The following ZFHX3 variants were observed in gnomAD, a reference collection of about 807,000 sequenced individuals.
The protein encoded by ZFHX3 is zinc finger homeobox protein 3.
In ZFHX3, 42 loss-of-function variants were observed where a neutral mutation model predicts 279.1. The observed-to-expected ratio is 0.15, with a 90% CI of 0.12 to 0.19. The LOEUF is 0.19. Ranked by LOEUF, ZFHX3 falls within the 10% of genes least tolerant of loss-of-function variation. The pLI, the probability that ZFHX3 is intolerant of heterozygous loss-of-function variation, is 1.00. For missense variants in ZFHX3, 4,981 were observed against 4,754.0 expected, an observed-to-expected ratio of 1.05 and a Z score of -1.40; for synonymous variants, 2,293 against 1,957.8, an observed-to-expected ratio of 1.17 and a Z score of -4.52.
intron 2 of ZFHX3, among the ~76,000 whole-genome samples, chr16:72,953,253 T>G (rs1382998112): frequency 1.3e-5 from 2 of 149,822 alleles, no homozygotes; most frequent in Non-Finnish European, 3.0e-5. Flanking sequence ...GAACCATAAC[T>G]ATGTCATTCT....
chr16:73,646,999 C>A (rs1331664762), intron 2 of ZFHX3, among the ~76,000 whole-genome samples: 2 of 148,862 alleles, frequency 1.3e-5, no homozygotes, highest in Admixed American at 1.4e-4. Context: ...AATGGCAGTA[C>A]TCGTTGTGCC....
At chr16:72,906,277 C>T (rs1263224034) in intron 3 of ZFHX3, among the ~76,000 whole-genome samples, 1 of 152,066 alleles carries the variant, frequency 6.6e-6, no homozygotes, top group Non-Finnish European at 1.5e-5. Context: ...CCAGTCCACA[C>T]TGGCCAAAAC....
chr16:72,808,315 A>G (rs571582682), intron 7 of ZFHX3, among the ~76,000 whole-genome samples: 3 of 152,258 alleles, frequency 2.0e-5, no homozygotes, highest in Admixed American at 2.0e-4. Context: ...TAGGCCCACA[A>G]ATTCCCTCTA....
intron 2 of ZFHX3, among the ~76,000 whole-genome samples, chr16:73,545,793 TA>T (rs5817852): frequency 0.17 from 23,301 of 140,454 alleles, 2,254 homozygotes; most frequent in African/African-American, 0.3. Context: ...CTGCTGAAAT[TA>T]AAAAAAAAAA....
chr16:73,816,671 G>C (rs974305659), intron 1 of ZFHX3, among the ~76,000 whole-genome samples: 2 of 152,172 alleles, frequency 1.3e-5, no homozygotes, highest in African/African-American at 4.8e-5. Context: ...TCTCAGGCAG[G>C]GGTACGGACT....
intron 1 of ZFHX3, among the ~76,000 whole-genome samples, chr16:73,780,626 G>C (rs1959436716): frequency 6.6e-6 from 1 of 152,014 alleles, no homozygotes; most frequent in African/African-American, 2.4e-5. Flanking sequence ...ATTTTTAATA[G>C]AGACGAGGTT....
chr16:73,631,741 T>C lies in ZFHX3; in HGVS notation c.-1547+48439A>G, dbSNP rs572954565. ...GCAAAATGGTGAAACTCCGTCTGTA[T>C]AAAAAATATACAAAAATTAGCCAGG... On this transcript the variant is annotated intron_variant, in intron 2 of 17. Coordinates refer to the ZFHX3 transcript ENST00000641206. Among the ~76,000 whole-genome samples the C allele has an allele frequency of 9.9e-5, 15 of 152,094 alleles. No individual in the cohort carries two copies. In the South Asian group the frequency reaches 2.9e-3, roughly 30 times the overall value.
chr16:73,530,628 T>C (rs762421275), intron 2 of ZFHX3, among the ~76,000 whole-genome samples: 1 of 152,142 alleles, frequency 6.6e-6, no homozygotes, highest in Non-Finnish European at 1.5e-5. Context: ...TTCTACACTA[T>C]GATTTTAACC....
At chr16:73,215,683 C>T (rs771910290) in intron 5 of ZFHX3, among the ~76,000 whole-genome samples, 11 of 152,150 alleles carry the variant, frequency 7.2e-5, no homozygotes, top group Admixed American at 2.6e-4. Flanking sequence ...GTCCTCCCCC[C>T]GATGCTGAAT....
intron 1 of ZFHX3, among the ~76,000 whole-genome samples, chr16:73,697,246 A>C (rs2053205947): frequency 6.6e-6 from 1 of 151,868 alleles, no homozygotes; most frequent in Non-Finnish European, 1.5e-5. Context: ...AATAGTAAAC[A>C]ATCTGGAAAG....
intron 1 of ZFHX3, among the ~76,000 whole-genome samples, chr16:73,762,646 A>G (rs191088950): frequency 6.6e-6 from 1 of 152,348 alleles, no homozygotes; most frequent in East Asian, 1.9e-4. Flanking sequence ...CTATGCAGCC[A>G]TAAAAAGGAA....
At chr16:73,581,786 T>C (rs1004794069) in intron 2 of ZFHX3, among the ~76,000 whole-genome samples, 9 of 145,526 alleles carry the variant, frequency 6.2e-5, no homozygotes, top group Admixed American at 4.2e-4. Context: ...TTTTCCTGTC[T>C]CAGCCTCCCA....
chr16:72,811,404 T>A (rs1295988332), intron 7 of ZFHX3, among the ~76,000 whole-genome samples, 173 bp downstream of exon 7: 1 of 152,218 alleles, frequency 6.6e-6, no homozygotes, highest in Non-Finnish European at 1.5e-5. Context: ...GCTATGGTCA[T>A]GCCAAGTCTA....
At chr16:73,255,811 G>A (rs2013647324) in intron 5 of ZFHX3, among the ~76,000 whole-genome samples, 1 of 152,164 alleles carries the variant, frequency 6.6e-6, no homozygotes, top group South Asian at 2.1e-4. Context: ...ACTGGCTACT[G>A]AACTGGATAC....
chr16:73,035,970 A>G lies in ZFHX3; in HGVS notation c.-50+11782T>C, dbSNP rs150711536. ...CAGGACTACCCACGAGGCTTGTCCA[A>G]AAGTAAGCCGTCTCCTACTCCAGCC... On this transcript the variant is annotated intron_variant, in intron 1 of 9. Coordinates refer to ENST00000268489, the MANE Select transcript of ZFHX3 (RefSeq NM_006885.4). Among the ~76,000 whole-genome samples, 1,412 of 152,348 alleles carry G rather than the reference A, an allele frequency of 9.3e-3. 10 individuals are homozygous for G. Among genetic ancestry groups the G allele is most frequent in the Middle Eastern group, 0.024 (7 of 294 alleles).
intron 7 of ZFHX3, chr16:73,099,427 C>G (rs1456366164): frequency 6.6e-6 from 1 of 152,066 alleles, no homozygotes; most frequent in Non-Finnish European, 1.5e-5. Context: ...GAGATGAGCT[C>G]TGGCCGGGCA....
chr16:73,793,992 G>C (rs761002966), intron 1 of ZFHX3: 2 of 152,322 alleles, frequency 1.3e-5, no homozygotes, highest in South Asian at 2.1e-4. Flanking sequence ...TCACATGCTA[G>C]AGCCATTATT....
chr16:72,812,147 A>G, intron 5 of ZFHX3, 109 bp from the exon 6 acceptor site: 1 of 1,438,388 alleles, frequency 7.0e-7, no homozygotes, highest in African/African-American at 1.4e-5. Context: ...ATTTTCTTAA[A>G]ACACCAAAAT....
chr16:73,570,035 A>C (rs538667644), intron 2 of ZFHX3, among the ~76,000 whole-genome samples: 1 of 152,310 alleles, frequency 6.6e-6, no homozygotes, highest in East Asian at 1.9e-4. Flanking sequence ...GAATATTAAA[A>C]GTCTTCTTTT....
Sources: gnomAD v4.1 joint callset for allele counts (sites outside exome capture counted in the v4.1 genomes callset) on GRCh38, gnomAD v4.1.1 for gene constraint, MANE v1.5 for transcripts, NCBI Gene and HGNC (gene_info 2026-07-23, HGNC 2026-07-21) for gene names.